The following ZBTB20 variants were observed in gnomAD, a reference collection of about 807,000 sequenced individuals.
The protein encoded by ZBTB20 is zinc finger and BTB domain-containing protein 20.
ZBTB20 carries 9 observed loss-of-function variants against 56.9 expected under a neutral mutation model. That is an observed-to-expected ratio of 0.16 (90% CI 0.10 to 0.28). The LOEUF is 0.28. ZBTB20 is among the 10% of genes least tolerant of loss of function. The probability of loss-of-function intolerance (pLI) is 1.00; values close to 1 mark genes in which losing one functional copy is unlikely to be tolerated. For missense variants in ZBTB20, 655 were observed against 1,003.0 expected (o/e 0.65, Z 4.69); for synonymous variants, 417 against 420.7 (o/e 0.99, Z 0.11).
At chr3:115,132,995 T>A (rs1052785654) in intron 1 of ZBTB20, among the ~76,000 whole-genome samples, 2 of 152,228 alleles carry the variant, frequency 1.3e-5, no homozygotes, top group African/African-American at 2.4e-5. Context: ...TAGAATTTTT[T>A]AATATACTTC....
chr3:114,925,558 T>A (rs890373046), intron 3 of ZBTB20, among the ~76,000 whole-genome samples: 9 of 152,078 alleles, frequency 5.9e-5, no homozygotes, highest in African/African-American at 2.2e-4. Flanking sequence ...GACGGAGTCT[T>A]GCTCTGTTGC....
rs903434094 is a variant in ZBTB20 at position 114,327,768 on chromosome 3, C to T, written c.*11237G>A. 11 of 152,180 alleles carry T rather than the reference C, an allele frequency of 7.2e-5. No homozygotes were observed. The highest frequency in any genetic ancestry group is 5.8e-4 in the East Asian group (3 of 5,184). The allele number at this position is 152,180 out of a possible 1,614,324, so 9.4% of individuals were successfully genotyped here. A position where few individuals can be genotyped will look rare whatever the true frequency, so the allele number is the denominator to read the frequency against. On this transcript the variant is annotated 3_prime_UTR_variant, in exon 12 of 12. Coordinates refer to ENST00000675478, the MANE Select transcript of ZBTB20 (RefSeq NM_001348800.3). ...GGTAAAGCAAGAACTGAAAGCATACCGCCTATGCACTCAAAACCACATAGT... is the reference window on the plus strand; with the variant it reads ...GGTAAAGCAAGAACTGAAAGCATACTGCCTATGCACTCAAAACCACATAGT...
At chr3:114,774,360 A>C (rs1578807023) in intron 5 of ZBTB20, among the ~76,000 whole-genome samples, 1 of 152,270 alleles carries the variant, frequency 6.6e-6, no homozygotes, top group East Asian at 1.9e-4. Context: ...CACACTTTGA[A>C]TCTTCCCTTT....
intron 2 of ZBTB20, among the ~76,000 whole-genome samples, chr3:115,066,123 T>G (rs1196495591): frequency 1.3e-5 from 2 of 152,286 alleles, no homozygotes; most frequent in African/African-American, 2.4e-5. Flanking sequence ...CTCTTTCAGG[T>G]TACAGAATCA....
At chr3:114,696,245 C>A (rs2063004008) in intron 5 of ZBTB20, among the ~76,000 whole-genome samples, 1 of 152,044 alleles carries the variant, frequency 6.6e-6, no homozygotes, top group Non-Finnish European at 1.5e-5. Flanking sequence ...TAAACAAATT[C>A]ATAACTTTAG....
intron 5 of ZBTB20, among the ~76,000 whole-genome samples, chr3:114,707,785 C>T (rs1037733271): frequency 2.0e-5 from 3 of 152,176 alleles, no homozygotes; most frequent in Admixed American, 6.5e-5. Context: ...ATGCCTTTCC[C>T]GTCTCTCAGA....
intron 6 of ZBTB20, among the ~76,000 whole-genome samples, chr3:114,672,815 G>A (rs1578264980): frequency 6.6e-6 from 1 of 152,152 alleles, no homozygotes; most frequent in East Asian, 1.9e-4. Context: ...TTTCTGATAT[G>A]TAGATTGGGA....
chr3:114,838,820 T>G (rs945533593), intron 4 of ZBTB20, among the ~76,000 whole-genome samples: 1 of 152,076 alleles, frequency 6.6e-6, no homozygotes, highest in Non-Finnish European at 1.5e-5. Context: ...TATACCAAAA[T>G]AGACTGTAGT....
intron 2 of ZBTB20, among the ~76,000 whole-genome samples, chr3:115,006,652 G>A (rs2079486545): frequency 6.6e-6 from 1 of 151,518 alleles, no homozygotes; most frequent in African/African-American, 2.4e-5. Context: ...GCAAAATGGA[G>A]CTGAAGGGCA....
At chr3:114,804,404 G>C (rs2071946718) in intron 4 of ZBTB20, among the ~76,000 whole-genome samples, 1 of 151,860 alleles carries the variant, frequency 6.6e-6, no homozygotes, top group African/African-American at 2.4e-5. Context: ...TTCCAGCTTA[G>C]GAGGTCTATG....
At chr3:114,869,300 T>C (rs543303554) in intron 4 of ZBTB20, among the ~76,000 whole-genome samples, 1 of 152,168 alleles carries the variant, frequency 6.6e-6, no homozygotes, top group South Asian at 2.1e-4. Context: ...CCCTTAAGAT[T>C]TGTGGTAGTT....
intron 1 of ZBTB20, among the ~76,000 whole-genome samples, chr3:115,119,135 G>A (rs948764553): frequency 1.3e-5 from 2 of 151,860 alleles, no homozygotes; most frequent in Non-Finnish European, 2.9e-5. Context: ...ATTATCCTAG[G>A]GCCACCTCTC....
Position 114,806,797 on chromosome 3 carries a change from G to A in ZBTB20, c.-416-5623C>T, listed in dbSNP as rs558841112. ...TAAGAACTAAAATATGTTTTTTACA[G>A]TCCTAGGTTCGTGAATATTCATTTA... On this transcript the variant is annotated intron_variant, in intron 4 of 11. Transcript: ENST00000675478. Among the ~76,000 whole-genome samples the A allele has an allele frequency of 4.6e-5, 7 of 152,066 alleles. No homozygotes were observed. The East Asian group carries it at 1.4e-3, about 29-fold the overall frequency.
intron 3 of ZBTB20, among the ~76,000 whole-genome samples, chr3:114,937,478 G>A (rs945749782): frequency 6.6e-6 from 1 of 151,482 alleles, no homozygotes; most frequent in African/African-American, 2.4e-5. Flanking sequence ...CTGGAGTGCC[G>A]GGGCGCAATC....
chr3:114,609,129 A>T (rs1376925022), intron 6 of ZBTB20, among the ~76,000 whole-genome samples: 2 of 152,184 alleles, frequency 1.3e-5, no homozygotes. Context: ...ACCATTTAGA[A>T]AGGCACAGTC....
At chr3:114,582,152 C>T (rs2054695821) in intron 6 of ZBTB20, 1 of 152,098 alleles carries the variant, frequency 6.6e-6, no homozygotes, top group Admixed American at 6.6e-5. Context: ...CTTCAAGGGG[C>T]ACATACAAAG....
At chr3:114,815,344 T>C (rs539554940) in intron 4 of ZBTB20, among the ~76,000 whole-genome samples, 1 of 152,198 alleles carries the variant, frequency 6.6e-6, no homozygotes, top group Admixed American at 6.5e-5. Flanking sequence ...AATAAAACAG[T>C]ACACTGAAAA....
chr3:115,039,007 G>A lies in ZBTB20; in HGVS notation c.-507+32212C>T, dbSNP rs974866487. ...TAACTAGATAATATCTCAATGACCT[G>A]TTACTGTATCCTTGGATAAGAGGAG... On this transcript the variant is annotated intron_variant, in intron 2 of 11. Transcript: ENST00000675478. 2.6e-5 allele frequency among the ~76,000 whole-genome samples: 4 copies of A among 151,938 alleles called. No individual in the cohort carries two copies. The East Asian group carries it at 7.7e-4, about 29-fold the overall frequency.
At chr3:114,609,414 A>G (rs151035312) in intron 6 of ZBTB20, among the ~76,000 whole-genome samples, 1 of 152,334 alleles carries the variant, frequency 6.6e-6, no homozygotes, top group East Asian at 1.9e-4. Context: ...CCACTATCAA[A>G]TTACACTGGT....
Sources: allele counts gnomAD v4.1 joint callset (sites outside exome capture counted in the v4.1 genomes callset), GRCh38; gene constraint gnomAD v4.1.1; transcripts MANE v1.5; gene names NCBI Gene and HGNC (gene_info 2026-07-23, HGNC 2026-07-21).